ARHGEF10: variants seen among roughly 807,000 people sequenced by gnomAD.
ARHGEF10 encodes Rho guanine nucleotide exchange factor 10, also known as Rho guanine nucleotide exchange factor (GEF) 10.
In ARHGEF10, 140 loss-of-function variants were observed where a neutral mutation model predicts 147.4. The observed-to-expected ratio is 0.95, with a 90% CI of 0.83 to 1.09. ARHGEF10 has a LOEUF of 1.09. Among genes scored for constraint, ARHGEF10 ranks in the 50% least tolerant of loss-of-function variants. The pLI is 0.00. For missense variants in ARHGEF10, 2,222 were observed against 1,752.7 expected (o/e 1.27, Z -4.78); for synonymous variants, 902 against 695.8 (o/e 1.30, Z -4.67).
chr8:1,869,118 C>G, intron 6 of ARHGEF10, 76 bp from the exon 7 acceptor site: 1 of 1,290,906 alleles, frequency 7.7e-7, no homozygotes. Flanking sequence ...TCATCGGCGA[C>G]TGTGGCCCTG....
intron 18 of ARHGEF10, among the ~76,000 whole-genome samples, chr8:1,911,702 A>G (rs1015207858): frequency 2.8e-4 from 43 of 152,266 alleles, no homozygotes; most frequent in Middle Eastern, 3.4e-3. Context: ...TCTATGTGGT[A>G]TCACATCCAT....
At chr8:1,823,452 G>T (rs973592764), upstream of ARHGEF10, among the ~76,000 whole-genome samples, 5 of 151,122 alleles carry the variant, frequency 3.3e-5, no homozygotes, top group Admixed American at 1.3e-4. Context: ...GATGTTCTGG[G>T]GGGGGGAGCG....
chr8:1,920,975 G>A (rs774135517), intron 18 of ARHGEF10, among the ~76,000 whole-genome samples: 7 of 151,898 alleles, frequency 4.6e-5, no homozygotes, highest in Admixed American at 6.6e-5. Flanking sequence ...TAGTAGAGAC[G>A]GGGTTTCTCC....
At position 1,923,891 on chromosome 8, in the gene ARHGEF10, T is replaced by A; in HGVS notation, c.2488+17T>A. On this transcript the variant is annotated intron_variant, in intron 21 of 28. Transcript: ENST00000349830. ...TCGCCCTAGGTAAGGCCTGGCTGGCTGAGGCTGAATGAGGCATGCGGCGTG... is the reference window on the plus strand; with the variant it reads ...TCGCCCTAGGTAAGGCCTGGCTGGCAGAGGCTGAATGAGGCATGCGGCGTG... 4.4e-6 allele frequency: 7 copies of A among 1,607,022 alleles called. No homozygotes were observed. Among genetic ancestry groups the A allele is most frequent in the Non-Finnish European group, 6.0e-6 (7 of 1,173,626 alleles).
chr8:1,891,530 G>A (rs1294871527), intron 11 of ARHGEF10, among the ~76,000 whole-genome samples: 1 of 152,150 alleles, frequency 6.6e-6, no homozygotes, highest in African/African-American at 2.4e-5. Flanking sequence ...AGGACATGAG[G>A]AAGGTCAGGC....
Position 1,925,284 on chromosome 8 carries a change from A to G in ARHGEF10, c.2490A>G (p.Glu830=). ...ATTTCTCTCTGAATATAATTGCAGA[A>G]GAGGAGAACCACATGGGCTGGTTCT... is the stretch of plus-strand genomic sequence containing the variant. ...NSLQMAKLAL[E]EENHMGWFCV... Residue 830 remains glutamate (E), a splice_region_variant and synonymous_variant, in exon 22 of 29, where the codon GAA becomes GAG. Coordinates refer to ENST00000349830, the MANE Select transcript of ARHGEF10 (RefSeq NM_014629.4). 1 of 1,614,218 alleles carries G rather than the reference A, an allele frequency of 6.2e-7. No individual in the cohort carries two copies. Among genetic ancestry groups the G allele is most frequent in the African/African-American group, 1.3e-5 (1 of 75,064 alleles).
rs1805702428 is a variant in ARHGEF10, at chr8:1,857,956, T to A, written c.38-4T>A. On this transcript the variant is annotated splice_polypyrimidine_tract_variant and splice_region_variant and intron_variant, in intron 2 of 28. Coordinates refer to ENST00000349830, the MANE Select transcript of ARHGEF10 (RefSeq NM_014629.4). ...CTTGATGTGGTTTTGGTTTTTCTTTTTAGAAAATGAAATGAAATATGATAC... is the reference window on the plus strand; with the variant it reads ...CTTGATGTGGTTTTGGTTTTTCTTTATAGAAAATGAAATGAAATATGATAC... 1.2e-6 allele frequency: 2 copies of A among 1,613,432 alleles called. No individual in the cohort carries two copies. Among genetic ancestry groups the A allele is most frequent in the East Asian group, 4.5e-5 (2 of 44,862 alleles).
chr8:1,843,861 C>T (rs956815380), intron 2 of ARHGEF10, among the ~76,000 whole-genome samples: 2 of 152,170 alleles, frequency 1.3e-5, no homozygotes, highest in Non-Finnish European at 2.9e-5. Context: ...TCTGAGCGGC[C>T]GCTCAGGGAC....
chr8:1,823,993 G>GGGGGACGCT lies in ARHGEF10; in HGVS notation c.-160_-159insTGGGGACGC, dbSNP rs1563137195. 7.5e-6 allele frequency: 1 copy of GGGGGACGCT among 132,630 alleles called. No homozygotes were observed. The highest frequency in any genetic ancestry group is 3.0e-5 in the African/African-American group (1 of 32,830). The allele number at this position is 132,630 out of a possible 1,614,324, so 8.2% of individuals were successfully genotyped here. On this transcript the variant is annotated 5_prime_UTR_variant, in exon 1 of 29. Transcript: ENST00000349830. ...GGACGGACGGGGTCGCGGGGGACGC[G>GGGGGACGCT]GGGGACGCGGGGGACGGCGGGGAAC...
intron 18 of ARHGEF10, among the ~76,000 whole-genome samples, chr8:1,911,173 G>C (rs567652922): frequency 6.6e-6 from 1 of 152,336 alleles, no homozygotes; most frequent in East Asian, 1.9e-4. Context: ...ACATTGGAGA[G>C]TAAATGTTTT....
At chr8:1,863,268 C>G in intron 4 of ARHGEF10, among the ~76,000 whole-genome samples, 1 of 152,206 alleles carries the variant, frequency 6.6e-6, no homozygotes, top group East Asian at 1.9e-4. Flanking sequence ...ATCCACCCCC[C>G]CAGCCCCTCG....
At chr8:1,932,081 T>A (rs1813193385) in intron 25 of ARHGEF10, among the ~76,000 whole-genome samples, 1 of 152,208 alleles carries the variant, frequency 6.6e-6, no homozygotes, top group Admixed American at 6.5e-5. Context: ...GAGAGAGCTC[T>A]GACCTAGGAT....
At chr8:1,839,104 GTGTCTGGTGTGGGGAC>G (rs1249007472) in intron 1 of ARHGEF10, among the ~76,000 whole-genome samples, 12 of 141,046 alleles carry the variant, frequency 8.5e-5, no homozygotes, top group South Asian at 2.3e-4. Flanking sequence ...GGTGTGGGGA[GTGTCTGGTGTGGGGAC>G]TGTCTGGTGT....
chr8:1,951,472 G>C (rs955167176), intron 27 of ARHGEF10, among the ~76,000 whole-genome samples: 1 of 152,216 alleles, frequency 6.6e-6, no homozygotes, highest in Non-Finnish European at 1.5e-5. Context: ...TTTAGAAATA[G>C]AACCAAATGT....
chr8:1,834,088 C>G (rs1803435682), intron 1 of ARHGEF10, among the ~76,000 whole-genome samples: 1 of 152,330 alleles, frequency 6.6e-6, no homozygotes, highest in South Asian at 2.1e-4. Context: ...GGACACCACC[C>G]TCACCCATCG....
At chr8:1,835,264 G>T (rs891228757) in intron 1 of ARHGEF10, among the ~76,000 whole-genome samples, 1 of 152,236 alleles carries the variant, frequency 6.6e-6, no homozygotes, top group African/African-American at 2.4e-5. Context: ...AGTAAGTGAA[G>T]AGCGGGGCAC....
At position 1,956,882 on chromosome 8, in the gene ARHGEF10, C is replaced by T. The variant is rs139515492; in HGVS notation, c.3654C>T (p.Asp1218=). ...LAPGPEPQDE[D]QKDALPSGGA... is the part of the protein sequence containing the mutation. ...CTGGCCCCGAGCCTCAGGACGAAGA[C>T]CAGAAGGACGCACTTCCGAGTGGAG... The change falls in exon 29 of 29, where the codon GAC becomes GAT. Residue 1218 remains aspartate, a synonymous_variant. Transcript: ENST00000349830. The T allele has an allele frequency of 6.2e-7, 1 of 1,614,138 alleles. No homozygotes were observed. The highest frequency in any genetic ancestry group is 8.5e-7 in the Non-Finnish European group (1 of 1,180,020).
rs1196809767 is a variant in ARHGEF10, at chr8:1,956,898, C to G, written c.3670C>G (p.Pro1224Ala). Residue 1224 changes from proline to alanine, a missense_variant, in exon 29 of 29, where the codon CCG becomes GCG. By Grantham distance (27) the Pro-to-Ala change is conservative (BLOSUM62 -1). Transcript: ENST00000349830. ...GGACGAAGACCAGAAGGACGCACTT[C>G]CGAGTGGAGGAGCTGGTTCATCTCT... ...PQDEDQKDAL[P>A]SGGAGSSLSQ... 7.4e-6 allele frequency: 12 copies of G among 1,614,050 alleles called. No homozygotes were observed. The highest frequency in any genetic ancestry group is 9.3e-6 in the Non-Finnish European group (11 of 1,179,968).
In ARHGEF10 at chr8:1,860,151, G is replaced by T. The variant is rs780179687; in HGVS notation, c.448G>T (p.Val150Phe). The change falls in exon 4 of 29, where the codon GTC (valine) becomes TTC (phenylalanine). Residue 150 changes from valine (V) to phenylalanine (F), a missense_variant. Physicochemically the swap from Val to Phe is conservative, Grantham distance 50 (BLOSUM62 -1). Coordinates refer to ENST00000349830, the MANE Select transcript of ARHGEF10 (RefSeq NM_014629.4). ...PLLLPAYSSP[V>F]IICATSLDEE... Reference sequence around the variant, plus strand: ...CCTGCTGCCCGCCTACTCCAGCCCGGTCATCATCTGCGCCACGTCCCTGGA... The same window carrying T: ...CCTGCTGCCCGCCTACTCCAGCCCGTTCATCATCTGCGCCACGTCCCTGGA... 2.1e-5 allele frequency: 34 copies of T among 1,613,576 alleles called. No homozygotes were observed. Among genetic ancestry groups the T allele is most frequent in the Non-Finnish European group, 2.9e-5 (34 of 1,179,954 alleles).
Sources: allele counts gnomAD v4.1 joint callset (sites outside exome capture counted in the v4.1 genomes callset), GRCh38; gene constraint gnomAD v4.1.1; transcripts MANE v1.5; gene names NCBI Gene and HGNC (gene_info 2026-07-23, HGNC 2026-07-21).